The following CCNY variants were observed in gnomAD, a reference collection of about 807,000 sequenced individuals.
CCNY encodes the protein cyclin-Y.
CCNY carries 19 observed loss-of-function variants against 42.8 expected under a neutral mutation model. That is an observed-to-expected ratio of 0.44 (90% CI 0.31 to 0.65). The LOEUF is 0.65. CCNY is among the 30% of genes least tolerant of loss of function. The pLI, the probability that CCNY is intolerant of heterozygous loss-of-function variation, is 0.07. For synonymous variants in CCNY, 165 were observed against 162.7 expected, an observed-to-expected ratio of 1.01 and a Z score of -0.11; for missense variants, 370 against 437.3, an observed-to-expected ratio of 0.85 and a Z score of 1.37.
At chr10:35,409,545 G>A (rs533677444) in intron 1 of CCNY, among the ~76,000 whole-genome samples, 1 of 152,136 alleles carries the variant, frequency 6.6e-6, no homozygotes, top group South Asian at 2.1e-4. Context: ...GGAGGTCTGG[G>A]CATAGTGATG....
intron 1 of CCNY, among the ~76,000 whole-genome samples, chr10:35,448,598 C>T (rs1324002687): frequency 6.6e-6 from 1 of 152,100 alleles, no homozygotes; most frequent in Non-Finnish European, 1.5e-5. Context: ...GGTAAGGTGA[C>T]ATCCTTCAGA....
chr10:35,433,427 G>A (rs893135586), intron 1 of CCNY, among the ~76,000 whole-genome samples: 25 of 152,032 alleles, frequency 1.6e-4, no homozygotes, highest in African/African-American at 6.0e-4. Context: ...AAGATTTCAG[G>A]GTAGTTATTT....
chr10:35,252,451 A>T (rs1021532528), intron 3 of CCNY, among the ~76,000 whole-genome samples: 3 of 151,656 alleles, frequency 2.0e-5, no homozygotes, highest in African/African-American at 7.3e-5. Context: ...CTGTAGTCCC[A>T]GCTACTCGGG....
At chr10:35,328,184 G>A (rs1339787991) in intron 3 of CCNY, among the ~76,000 whole-genome samples, 1 of 152,198 alleles carries the variant, frequency 6.6e-6, no homozygotes, top group Non-Finnish European at 1.5e-5. Flanking sequence ...GTTATCACCA[G>A]GCAAAGAGGG....
At chr10:35,561,024 A>G (rs1273374271) in intron 8 of CCNY, among the ~76,000 whole-genome samples, 1 of 152,178 alleles carries the variant, frequency 6.6e-6, no homozygotes, top group Non-Finnish European at 1.5e-5. Flanking sequence ...TAGAGCTGAG[A>G]TGACACAGCC....
chr10:35,486,738 G>C (rs1839796134), intron 2 of CCNY, among the ~76,000 whole-genome samples: 1 of 152,158 alleles, frequency 6.6e-6, no homozygotes, highest in Non-Finnish European at 1.5e-5. Context: ...TCTCTTCTTT[G>C]TGTACTTCTG....
chr10:35,295,038 C>A (rs1432842480), intron 3 of CCNY, among the ~76,000 whole-genome samples: 3 of 151,710 alleles, frequency 2.0e-5, no homozygotes, highest in Non-Finnish European at 4.4e-5. Flanking sequence ...ACCTGTAGTC[C>A]CAGCTACTTG....
At chr10:35,475,441 C>T (rs1299656168) in intron 1 of CCNY, among the ~76,000 whole-genome samples, 2 of 151,308 alleles carry the variant, frequency 1.3e-5, no homozygotes, top group African/African-American at 2.4e-5. Context: ...GCGGATCTCT[C>T]GGCAGAAACC....
intron 1 of CCNY, among the ~76,000 whole-genome samples, chr10:35,352,298 C>A (rs982652195): frequency 6.6e-6 from 1 of 152,174 alleles, no homozygotes; most frequent in African/African-American, 2.4e-5. Flanking sequence ...TTTCCTTTCT[C>A]GTTAAGCTAA....
At chr10:35,533,327 TCAGAA>T (rs1054783973) in intron 7 of CCNY, among the ~76,000 whole-genome samples, 10 of 152,136 alleles carry the variant, frequency 6.6e-5, no homozygotes, top group Admixed American at 3.3e-4. Context: ...GCTCCTCTGT[TCAGAA>T]CCTGTGGTGG....
Position 35,536,883 on chromosome 10 carries a change from T to G in CCNY, c.579+6640T>G, listed in dbSNP as rs143014148. On this transcript the variant is annotated intron_variant, in intron 7 of 9. Transcript: ENST00000374704. Reference sequence around the variant, plus strand: ...CAGTCTGATAGAAAAGAAACACCATTTTCTGAGGAGAAATTCATGCAGGCT... The same window carrying G: ...CAGTCTGATAGAAAAGAAACACCATGTTCTGAGGAGAAATTCATGCAGGCT... Among the ~76,000 whole-genome samples, 369 of 152,280 alleles carry G rather than the reference T, an allele frequency of 2.4e-3. 14 individuals carry two copies. Among genetic ancestry groups the G allele is most frequent in the Admixed American group, 0.022 (330 of 15,304 alleles).
chr10:35,381,699 G>T (rs1041381800), intron 1 of CCNY, among the ~76,000 whole-genome samples: 10 of 152,116 alleles, frequency 6.6e-5, no homozygotes, highest in African/African-American at 2.4e-4. Flanking sequence ...TAAGACTTTA[G>T]AATTGTTCAG....
intron 3 of CCNY, among the ~76,000 whole-genome samples, chr10:35,316,927 C>T (rs939591212): frequency 4.6e-5 from 7 of 152,152 alleles, no homozygotes; most frequent in Non-Finnish European, 1.0e-4. Flanking sequence ...CTCACTGCAA[C>T]CTCCACCTCT....
At chr10:35,265,636 C>T (rs530740799) in intron 3 of CCNY, among the ~76,000 whole-genome samples, 7 of 152,340 alleles carry the variant, frequency 4.6e-5, no homozygotes, top group East Asian at 1.9e-4. Flanking sequence ...GTGCCGCTCC[C>T]GGCCGGCTTT....
intron 2 of CCNY, among the ~76,000 whole-genome samples, chr10:35,490,461 A>G (rs1413193185): frequency 6.6e-6 from 1 of 152,246 alleles, no homozygotes; most frequent in Non-Finnish European, 1.5e-5. Flanking sequence ...AAATGGCCAG[A>G]CAGGCGCAGG....
At chr10:35,261,658 T>C (rs1217414995) in intron 3 of CCNY, among the ~76,000 whole-genome samples, 4 of 152,118 alleles carry the variant, frequency 2.6e-5, no homozygotes, top group African/African-American at 9.7e-5. Context: ...TGAGCCACCA[T>C]GATGCTGTTG....
chr10:35,360,970 C>G (rs927936640), intron 1 of CCNY, among the ~76,000 whole-genome samples: 2 of 152,126 alleles, frequency 1.3e-5, no homozygotes, highest in Non-Finnish European at 2.9e-5. Flanking sequence ...AAATGATTCT[C>G]CTGCCTCAGC....
chr10:35,477,827 A>G (rs1009431541), intron 1 of CCNY, among the ~76,000 whole-genome samples: 1 of 151,986 alleles, frequency 6.6e-6, no homozygotes, highest in African/African-American at 2.4e-5. Context: ...GTATTCAATT[A>G]GGAAAAGAGG....
intron 1 of CCNY, among the ~76,000 whole-genome samples, chr10:35,449,431 T>C (rs1252149058): frequency 6.6e-6 from 1 of 151,174 alleles, no homozygotes; most frequent in African/African-American, 2.4e-5. Flanking sequence ...GAGTTGGGGG[T>C]GGGAGCAATG....
Sources: allele counts gnomAD v4.1 joint callset (sites outside exome capture counted in the v4.1 genomes callset), GRCh38; gene constraint gnomAD v4.1.1; transcripts MANE v1.5; gene names NCBI Gene and HGNC (gene_info 2026-07-23, HGNC 2026-07-21).